TIAM1: variants seen among roughly 807,000 people sequenced by gnomAD.
The protein encoded by TIAM1 is rho guanine nucleotide exchange factor TIAM1.
A neutral mutation model predicts 163.5 loss-of-function variants in TIAM1; 65 were observed. That is an observed-to-expected ratio of 0.40 (90% CI 0.33 to 0.49). The LOEUF is 0.49. TIAM1 is among the 20% of genes least tolerant of loss of function. The pLI is 0.77. For synonymous variants in TIAM1, 833 were observed against 810.1 expected (o/e 1.03, Z -0.48); for missense variants, 1,789 against 2,044.7 (o/e 0.87, Z 2.41).
Position 31,210,743 on chromosome 21 carries a change from GAA to G in TIAM1, c.2218-530_2218-529del, listed in dbSNP as rs1569034076. Among the ~76,000 whole-genome samples the G allele has an allele frequency of 7.4e-3, 513 of 69,332 alleles. 17 individuals carry two copies. The highest frequency in any genetic ancestry group is 0.05 in the East Asian group (96 of 1,916). 45.5% of individuals were successfully genotyped at this position (69,332 alleles called of 152,430 possible). A position where few individuals can be genotyped will look rare whatever the true frequency, so the allele number is the denominator to read the frequency against. The stretch of plus-strand genomic sequence containing the variant: ...AAAGAAAGAAAGAGAAAGAAGGAAG[GAA>G]GGGAGAAAGAAAGAAAGAAAGAAAG... On this transcript the variant is annotated intron_variant, in intron 10 of 27. Coordinates refer to ENST00000541036, the MANE Select transcript of TIAM1 (RefSeq NM_001353694.2).
intron 4 of TIAM1, among the ~76,000 whole-genome samples, chr21:31,258,816 A>G (rs2072276140): frequency 8.9e-5 from 3 of 33,690 alleles, no homozygotes. Flanking sequence ...TCCGTCTCAA[A>G]AAAAAAAAAA....
intron 2 of TIAM1, among the ~76,000 whole-genome samples, chr21:31,365,606 T>C (rs2076491291): frequency 6.6e-6 from 1 of 151,674 alleles, no homozygotes; most frequent in South Asian, 2.1e-4. Flanking sequence ...TTAGCCAGGA[T>C]GGTCTCGATC....
intron 12 of TIAM1, among the ~76,000 whole-genome samples, chr21:31,195,753 A>G (rs1054342982): frequency 6.6e-6 from 1 of 152,242 alleles, no homozygotes; most frequent in African/African-American, 2.4e-5. Flanking sequence ...GCATTGAAAC[A>G]GAAAACAAAT....
intron 19 of TIAM1, among the ~76,000 whole-genome samples, chr21:31,147,773 ATATATTATATT>A (rs2083199922): frequency 7.1e-6 from 1 of 140,100 alleles, no homozygotes; most frequent in African/African-American, 2.6e-5. Context: ...TATTATATTA[ATATATTATATT>A]AAAATATATA....
chr21:31,492,700 G>A (rs942826428), intron 1 of TIAM1, among the ~76,000 whole-genome samples: 1 of 151,852 alleles, frequency 6.6e-6, no homozygotes, highest in African/African-American at 2.4e-5. Context: ...GACCTCCTGA[G>A]GCTGTGTCAT....
At chr21:31,452,532 T>C (rs1008632147) in intron 2 of TIAM1, 1 of 599,562 alleles carries the variant, frequency 1.7e-6, no homozygotes, top group South Asian at 1.7e-5. Context: ...GATTGGACTC[T>C]GGGGTGTTCT....
chr21:31,195,463 A>G (rs2085800440), intron 12 of TIAM1, among the ~76,000 whole-genome samples, 158 bp from the exon 13 acceptor site: 1 of 152,236 alleles, frequency 6.6e-6, no homozygotes, highest in South Asian at 2.1e-4. Flanking sequence ...GTAAAAAGTA[A>G]AAGTAAAAAC....
At chr21:31,207,217 C>T (rs1475129258) in intron 11 of TIAM1, among the ~76,000 whole-genome samples, 1 of 152,174 alleles carries the variant, frequency 6.6e-6, no homozygotes, top group Non-Finnish European at 1.5e-5. Context: ...TATTTAGCAA[C>T]AATCATTCCA....
chr21:31,225,092 C>T (rs775499663), intron 7 of TIAM1, among the ~76,000 whole-genome samples: 2 of 151,918 alleles, frequency 1.3e-5, no homozygotes, highest in African/African-American at 2.4e-5. Context: ...CAATCTTGGC[C>T]CACCGCACCC....
chr21:31,556,260 G>A (rs1326126333), intron 1 of TIAM1, among the ~76,000 whole-genome samples: 1 of 152,200 alleles, frequency 6.6e-6, no homozygotes, highest in African/African-American at 2.4e-5. Context: ...TTGACATCTA[G>A]CAACAATGCT....
At chr21:31,471,051 A>G (rs986473626) in intron 1 of TIAM1, among the ~76,000 whole-genome samples, 4 of 152,178 alleles carry the variant, frequency 2.6e-5, no homozygotes, top group African/African-American at 9.6e-5. Flanking sequence ...AGCAACAGCA[A>G]AAGCAGTTCC....
rs796569075 is a variant in TIAM1 at position 31,239,126 on chromosome 21, A to ATT, written c.1584+6360_1584+6361dup. The stretch of plus-strand genomic sequence containing the variant: ...AAACCATGTCAGATGCAGAAAAACA[A>ATT]TTTTTTTTTTTTTTAAGATAGGGTC... On this transcript the variant is annotated intron_variant, in intron 6 of 27. Coordinates refer to ENST00000541036, the MANE Select transcript of TIAM1 (RefSeq NM_001353694.2). 5.5e-5 allele frequency among the ~76,000 whole-genome samples: 8 copies of ATT among 145,960 alleles called. No individual in the cohort carries two copies. The East Asian group carries it at 1.4e-3, about 26-fold the overall frequency.
At chr21:31,452,431 G>C in intron 2 of TIAM1, 1 of 381,290 alleles carries the variant, frequency 2.6e-6, no homozygotes, top group East Asian at 6.2e-5. Context: ...ACCCTATTTC[G>C]AAACAACAAC....
At chr21:31,360,508 T>C (rs1164237322) in intron 2 of TIAM1, among the ~76,000 whole-genome samples, 2 of 152,104 alleles carry the variant, frequency 1.3e-5, no homozygotes, top group South Asian at 4.1e-4. Context: ...GTTTTTTTAA[T>C]AGGATAGACA....
intron 3 of TIAM1, among the ~76,000 whole-genome samples, chr21:31,271,380 G>A (rs182348601): frequency 4.6e-5 from 7 of 152,198 alleles, no homozygotes; most frequent in South Asian, 2.1e-4. Context: ...TCTTAAATAC[G>A]CTAGCCTCTT....
At chr21:31,475,147 G>A (rs948156488) in intron 1 of TIAM1, among the ~76,000 whole-genome samples, 1 of 151,666 alleles carries the variant, frequency 6.6e-6, no homozygotes, top group African/African-American at 2.4e-5. Flanking sequence ...GACCTCCCCA[G>A]GTTCAGGTGA....
intron 4 of TIAM1, among the ~76,000 whole-genome samples, chr21:31,263,441 A>G (rs1248461765): frequency 6.6e-6 from 1 of 152,222 alleles, no homozygotes; most frequent in Non-Finnish European, 1.5e-5. Flanking sequence ...CCACCTTTAG[A>G]TGATCTCACT....
intron 15 of TIAM1, among the ~76,000 whole-genome samples, chr21:31,176,713 T>C (rs924268789): frequency 6.6e-6 from 1 of 150,974 alleles, no homozygotes; most frequent in African/African-American, 2.4e-5. Context: ...CTATAGAAGG[T>C]TTGCATGTCA....
rs952594117 is a variant in TIAM1 at position 31,425,822 on chromosome 21, G to A, written c.-369+38161C>T. Among the ~76,000 whole-genome samples the A allele has an allele frequency of 4.6e-5, 7 of 151,782 alleles. No homozygotes were observed. The East Asian group carries it at 5.8e-4, about 13-fold the overall frequency. ...AGCAATTCTCCTGCCTCATCTTCCC[G>A]AGTAGCTGGGATTACAAGCACATGC... is the stretch of plus-strand genomic sequence containing the variant. On this transcript the variant is annotated intron_variant, in intron 2 of 28. Transcript: ENST00000286827.
Sources: allele counts gnomAD v4.1 joint callset (sites outside exome capture counted in the v4.1 genomes callset), GRCh38; gene constraint gnomAD v4.1.1; transcripts MANE v1.5; gene names NCBI Gene and HGNC (gene_info 2026-07-23, HGNC 2026-07-21).